The following BLVRA variants were observed in gnomAD, a reference collection of about 807,000 sequenced individuals.
The protein encoded by BLVRA is biliverdin reductase A, also known as BVR A.
BLVRA carries 22 observed loss-of-function variants against 32.8 expected under a neutral mutation model. The ratio of observed to expected loss-of-function variants is 0.67; its 90% CI spans 0.48 to 0.96. BLVRA has a LOEUF of 0.96. Ranked by LOEUF, BLVRA falls within the 40% of genes least tolerant of loss-of-function variation. The pLI is 0.00. For missense variants in BLVRA, 323 were observed against 358.1 expected, an observed-to-expected ratio of 0.90 and a Z score of 0.79; for synonymous variants, 119 against 141.3, an observed-to-expected ratio of 0.84 and a Z score of 1.12.
intron 2 of BLVRA, among the ~76,000 whole-genome samples, chr7:43,771,463 C>T (rs896757155): frequency 6.6e-6 from 1 of 152,202 alleles, no homozygotes; most frequent in Non-Finnish European, 1.5e-5. Flanking sequence ...GGCCCAGATC[C>T]CTGCTTTGTG....
intron 2 of BLVRA, among the ~76,000 whole-genome samples, chr7:43,774,959 A>T (rs2095759047): frequency 6.6e-6 from 1 of 152,132 alleles, no homozygotes. Flanking sequence ...TTGGTGTATA[A>T]CAATGCTTGT....
chr7:43,762,035 G>T (rs1313429688), intron 1 of BLVRA, among the ~76,000 whole-genome samples: 1 of 152,086 alleles, frequency 6.6e-6, no homozygotes, highest in East Asian at 1.9e-4. Context: ...ACCTGAGAGG[G>T]TCACCCTCTC....
chr7:43,796,789 C>T (rs1248007784), intron 5 of BLVRA, among the ~76,000 whole-genome samples: 1 of 152,198 alleles, frequency 6.6e-6, no homozygotes, highest in Non-Finnish European at 1.5e-5. Context: ...GTGAAGATAT[C>T]TGCAAATCTT....
intron 1 of BLVRA, among the ~76,000 whole-genome samples, chr7:43,769,218 C>G (rs980086416): frequency 6.6e-6 from 1 of 152,022 alleles, no homozygotes; most frequent in Non-Finnish European, 1.5e-5. Context: ...TAAGTAAAGA[C>G]AGGGTCTTGC....
intron 1 of BLVRA, among the ~76,000 whole-genome samples, chr7:43,770,666 C>T (rs917038032): frequency 3.2e-4 from 48 of 152,124 alleles, no homozygotes; most frequent in Non-Finnish European, 5.6e-4. Context: ...GCTGAGGGTC[C>T]GGAGCGGCTT....
intron 1 of BLVRA, among the ~76,000 whole-genome samples, chr7:43,766,286 CA>C (rs1563535226): frequency 3.1e-5 from 3 of 95,850 alleles, no homozygotes; most frequent in African/African-American, 1.2e-4. Flanking sequence ...AACTCTGTCT[CA>C]GGGAAAAAAA....
At chr7:43,803,327 G>GTGTA (rs2095800738) in intron 6 of BLVRA, among the ~76,000 whole-genome samples, 1 of 151,358 alleles carries the variant, frequency 6.6e-6, no homozygotes, top group Admixed American at 6.6e-5. Flanking sequence ...GTGTGTGTGT[G>GTGTA]TATGTATATC....
At chr7:43,795,775 A>C (rs2095791954) in intron 5 of BLVRA, among the ~76,000 whole-genome samples, 1 of 152,054 alleles carries the variant, frequency 6.6e-6, no homozygotes, top group South Asian at 2.1e-4. Context: ...TTTTTGAAAA[A>C]AATCCATAAA....
chr7:43,765,854 G>A (rs1463009950), intron 1 of BLVRA, among the ~76,000 whole-genome samples: 2 of 152,042 alleles, frequency 1.3e-5, no homozygotes, highest in East Asian at 3.8e-4. Context: ...ATTTAAATGT[G>A]GAGTCACTGG....
At position 43,773,393 on chromosome 7, in the gene BLVRA, G is replaced by T. The variant is rs1350308782; in HGVS notation, c.12+2223G>T. On this transcript the variant is annotated intron_variant, in intron 2 of 7. Coordinates refer to ENST00000265523, the MANE Select transcript of BLVRA (RefSeq NM_000712.4). ...TATCAGTGAGAACATGCGGTGTTTG[G>T]TTTTTTGTCCTTGCGATAGCTTGCT... is the stretch of plus-strand genomic sequence containing the variant. Among the ~76,000 whole-genome samples the T allele has an allele frequency of 2.0e-5, 3 of 151,996 alleles. No homozygotes were observed. The East Asian group carries it at 5.8e-4, about 29-fold the overall frequency.
chr7:43,758,344 C>CGGGGCCAGGCACACCGTGAG (rs1378450076), upstream of BLVRA, among the ~76,000 whole-genome samples: 161 of 124,974 alleles, frequency 1.3e-3, 5 homozygotes, highest in Middle Eastern at 8.1e-3. Flanking sequence ...CCCCCCACGC[C>CGGGGCCAGGCACACCGTGAG]GGGGCCAGGC....
intron 2 of BLVRA, among the ~76,000 whole-genome samples, chr7:43,771,551 C>G (rs1169832940): frequency 6.6e-6 from 1 of 152,198 alleles, no homozygotes; most frequent in Non-Finnish European, 1.5e-5. Flanking sequence ...AGATGTCTAG[C>G]TCCTTATCCT....
At chr7:43,770,585 C>T (rs1333185331) in intron 1 of BLVRA, among the ~76,000 whole-genome samples, 4 of 152,106 alleles carry the variant, frequency 2.6e-5, no homozygotes, top group African/African-American at 9.7e-5. Flanking sequence ...CTGGTCTCCC[C>T]TCATCTCCTC....
At chr7:43,765,545 C>G (rs2095746927) in intron 1 of BLVRA, among the ~76,000 whole-genome samples, 1 of 152,208 alleles carries the variant, frequency 6.6e-6, no homozygotes, top group Non-Finnish European at 1.5e-5. Flanking sequence ...AGCCTCCACA[C>G]CCGGCCTATT....
Position 43,769,036 on chromosome 7 carries a change from ACATGTGAGATAGTGACTCATGTCACTAT to A in BLVRA, c.-21-2099_-21-2072del, listed in dbSNP as rs1213887846. 3.3e-5 allele frequency among the ~76,000 whole-genome samples: 5 copies of A among 151,828 alleles called. No homozygotes were observed. In the East Asian group the frequency reaches 9.7e-4, roughly 29 times the overall value. On this transcript the variant is annotated intron_variant, in intron 1 of 7. Coordinates refer to ENST00000265523, the MANE Select transcript of BLVRA (RefSeq NM_000712.4). ...CACCCTGTGAGTGACAGAGGTGACG[ACATGTGAGATAGTGACTCATGTCACTAT>A]CACTCTAGGCTGGAGTGCAGTGGCG... is the stretch of plus-strand genomic sequence containing the variant.
intron 3 of BLVRA, among the ~76,000 whole-genome samples, chr7:43,788,993 T>C (rs1172570747): frequency 6.6e-6 from 1 of 151,864 alleles, no homozygotes. Flanking sequence ...ACTTATCACC[T>C]TGTTTCTTCT....
intron 6 of BLVRA, 60 bp from the exon 7 acceptor site, chr7:43,803,616 C>G: frequency 1.5e-6 from 2 of 1,320,842 alleles, no homozygotes; most frequent in Non-Finnish European, 2.1e-6. Context: ...ACCCCCCTGT[C>G]CTGCTTTCCA....
chr7:43,776,063 C>G lies in BLVRA; in HGVS notation c.12+4893C>G, dbSNP rs142604629. Among the ~76,000 whole-genome samples the G allele has an allele frequency of 8.3e-3, 1,250 of 151,326 alleles. 8 individuals are homozygous for G. Among genetic ancestry groups the G allele is most frequent in the Non-Finnish European group, 0.013 (859 of 67,794 alleles). ...TTTATTAGTCTTGCTAGCGGTCTAT[C>G]AATTTTGTTGATCTTTTCAAAAAAC... On this transcript the variant is annotated intron_variant, in intron 2 of 7. Coordinates refer to ENST00000265523, the MANE Select transcript of BLVRA (RefSeq NM_000712.4).
chr7:43,773,463 T>C (rs1230615197), intron 2 of BLVRA, among the ~76,000 whole-genome samples: 5 of 152,238 alleles, frequency 3.3e-5, no homozygotes. Flanking sequence ...ACAAAGGACA[T>C]GAACTCATCA....
Sources: allele counts gnomAD v4.1 joint callset (sites outside exome capture counted in the v4.1 genomes callset), GRCh38; gene constraint gnomAD v4.1.1; transcripts MANE v1.5; gene names NCBI Gene and HGNC (gene_info 2026-07-23, HGNC 2026-07-21).